SLC44A5: variants seen among roughly 807,000 people sequenced by gnomAD.
The protein encoded by SLC44A5 is choline transporter-like protein 5.
A neutral mutation model predicts 101.8 loss-of-function variants in SLC44A5; 57 were observed. The ratio of observed to expected loss-of-function variants is 0.56; its 90% confidence interval spans 0.45 to 0.70. SLC44A5 has a LOEUF of 0.70. Ranked by LOEUF, SLC44A5 falls within the 30% of genes least tolerant of loss-of-function variation. The pLI is 0.00. For synonymous variants in SLC44A5, 281 were observed against 290.9 expected (o/e 0.97, Z 0.35); for missense variants, 737 against 853.1 (o/e 0.86, Z 1.70).
At chr1:75,309,920 C>CT (rs1655175852) in intron 4 of SLC44A5, among the ~76,000 whole-genome samples, 1 of 152,126 alleles carries the variant, frequency 6.6e-6, no homozygotes, top group African/African-American at 2.4e-5. Flanking sequence ...TACGAAAATT[C>CT]TTTTTTGTGA....
intron 3 of SLC44A5, among the ~76,000 whole-genome samples, chr1:75,385,639 G>T (rs1235901402): frequency 6.6e-6 from 1 of 152,170 alleles, no homozygotes; most frequent in African/African-American, 2.4e-5. Flanking sequence ...ATAAGGATGA[G>T]CTGCTACCAT....
At chr1:75,707,449 G>A in the SLC44A5 span, among the ~76,000 whole-genome samples, 1 of 152,074 alleles carries the variant, frequency 6.6e-6, no homozygotes, top group Non-Finnish European at 1.5e-5. Context: ...AAGTAAACAA[G>A]CCTGTTTAAG....
intron 3 of SLC44A5, among the ~76,000 whole-genome samples, chr1:75,344,168 G>A (rs1010131267): frequency 2.0e-5 from 3 of 152,028 alleles, no homozygotes; most frequent in Non-Finnish European, 4.4e-5. Flanking sequence ...TCTCAAGAAG[G>A]ACAAGAACAA....
chr1:75,577,741 TTC>T (rs1377074721), intron 1 of SLC44A5, among the ~76,000 whole-genome samples: 1 of 152,234 alleles, frequency 6.6e-6, no homozygotes, highest in African/African-American at 2.4e-5. Context: ...GCAGAGCTAC[TTC>T]TCTGTTTGAT....
the SLC44A5 span, among the ~76,000 whole-genome samples, chr1:75,708,327 T>C: frequency 2.1e-5 from 3 of 140,784 alleles, no homozygotes; most frequent in African/African-American, 5.4e-5. Context: ...GACAGGAGAA[T>C]CGCTTGAACC....
At chr1:75,414,187 A>G (rs549588058) in intron 2 of SLC44A5, among the ~76,000 whole-genome samples, 1 of 151,896 alleles carries the variant, frequency 6.6e-6, no homozygotes, top group African/African-American at 2.4e-5. Context: ...CTTGATCTCC[A>G]CTACTCCTTC....
intron 3 of SLC44A5, among the ~76,000 whole-genome samples, chr1:75,339,936 C>A (rs961289588): frequency 1.3e-5 from 2 of 152,098 alleles, no homozygotes; most frequent in Non-Finnish European, 2.9e-5. Flanking sequence ...AACTTGAAGA[C>A]TTTATGGTCT....
At chr1:75,425,647 T>C (rs1243768670) in intron 2 of SLC44A5, among the ~76,000 whole-genome samples, 1 of 152,194 alleles carries the variant, frequency 6.6e-6, no homozygotes, top group African/African-American at 2.4e-5. Context: ...GTAAAGACCA[T>C]GGGTAGTGGC....
chr1:75,366,312 G>C (rs1056679109), intron 3 of SLC44A5, among the ~76,000 whole-genome samples: 2 of 151,974 alleles, frequency 1.3e-5, no homozygotes, highest in African/African-American at 2.4e-5. Flanking sequence ...AGCATTTTTG[G>C]AGCCTTTTTT....
chr1:75,265,083 T>C (rs1650879808), intron 6 of SLC44A5, among the ~76,000 whole-genome samples: 1 of 151,948 alleles, frequency 6.6e-6, no homozygotes, highest in Non-Finnish European at 1.5e-5. Context: ...AACAGACCAA[T>C]AACAAATAAT....
At chr1:75,214,039 G>T in intron 20 of SLC44A5, 50 bp from the exon 21 acceptor site, 2 of 1,187,836 alleles carry the variant, frequency 1.7e-6, no homozygotes, top group South Asian at 1.4e-5. Flanking sequence ...AAATATACTT[G>T]GTACTTGAAA....
At chr1:75,410,006 C>G (rs1466988101) in intron 2 of SLC44A5, among the ~76,000 whole-genome samples, 2 of 152,138 alleles carry the variant, frequency 1.3e-5, no homozygotes, top group East Asian at 3.8e-4. Flanking sequence ...GTTCCTACCT[C>G]TCAATGCTCT....
chr1:75,476,553 C>G (rs1667415800), intron 2 of SLC44A5, among the ~76,000 whole-genome samples: 1 of 152,218 alleles, frequency 6.6e-6, no homozygotes, highest in Non-Finnish European at 1.5e-5. Flanking sequence ...CACCTGAATA[C>G]TGCGCTTTTC....
chr1:75,275,765 A>C (rs74096323), intron 5 of SLC44A5, among the ~76,000 whole-genome samples: 3,086 of 152,270 alleles, frequency 0.02, 107 homozygotes, highest in African/African-American at 0.07. Context: ...AGAGTAACGT[A>C]TATTAGGTCA....
chr1:75,291,915 G>C (rs371013947), intron 5 of SLC44A5, among the ~76,000 whole-genome samples: 48 of 151,886 alleles, frequency 3.2e-4, no homozygotes, highest in African/African-American at 1.1e-3. Context: ...GGGAGGCTGA[G>C]GCAGGAGAAT....
At chr1:75,341,527 AAAAG>A (rs1326591514) in intron 3 of SLC44A5, among the ~76,000 whole-genome samples, 2 of 152,104 alleles carry the variant, frequency 1.3e-5, no homozygotes, top group Non-Finnish European at 2.9e-5. Flanking sequence ...AAAAGAAAGA[AAAAG>A]AAAGAAGGAA....
rs536751794 is a variant in SLC44A5 at position 75,322,298 on chromosome 1, C to T, written c.101+17284G>A. 5.9e-5 allele frequency among the ~76,000 whole-genome samples: 9 copies of T among 152,008 alleles called. No homozygotes were observed. In the South Asian group the frequency reaches 1.5e-3, roughly 25 times the overall value. ...CTGTACTGCAGTCTGGGCAACAGAGCGAGACTCCATCTCAAAAAAAGAGCA... is the reference window on the plus strand; with the variant it reads ...CTGTACTGCAGTCTGGGCAACAGAGTGAGACTCCATCTCAAAAAAAGAGCA... On this transcript the variant is annotated intron_variant, in intron 4 of 23. Coordinates refer to ENST00000370859, the MANE Select transcript of SLC44A5 (RefSeq NM_001130058.2).
chr1:75,315,977 C>T (rs972297457), intron 4 of SLC44A5, among the ~76,000 whole-genome samples: 1 of 152,172 alleles, frequency 6.6e-6, no homozygotes, highest in African/African-American at 2.4e-5. Flanking sequence ...AGGTTGAAGC[C>T]TCATCATCTC....
rs1309973805 is a variant in SLC44A5 at position 75,254,896 on chromosome 1, T to TA, written c.261-3603dup. Among the ~76,000 whole-genome samples, 9 of 152,108 alleles carry TA rather than the reference T, an allele frequency of 5.9e-5. No individual in the cohort carries two copies. In the East Asian group the frequency reaches 1.7e-3, roughly 29 times the overall value. On this transcript the variant is annotated intron_variant, in intron 6 of 23. Transcript: ENST00000370859. ...AGCATCCAGAAAATAGCTGATGAGCTAAAACTAAAATTGCAAAAAAAAATC... is the reference window on the plus strand; with the variant it reads ...AGCATCCAGAAAATAGCTGATGAGCTAAAAACTAAAATTGCAAAAAAAAATC...
Sources: gnomAD v4.1 joint callset for allele counts (sites outside exome capture counted in the v4.1 genomes callset) on GRCh38, gnomAD v4.1.1 for gene constraint, MANE v1.5 for transcripts, NCBI Gene and HGNC (gene_info 2026-07-23, HGNC 2026-07-21) for gene names.